The following CENPN variants were observed in gnomAD, a reference collection of about 807,000 sequenced individuals.
CENPN encodes the protein centromere protein N, also known as interphase centromere complex protein 32.
CENPN carries 36 observed loss-of-function variants against 48.6 expected under a neutral mutation model. The ratio of observed to expected loss-of-function variants is 0.74; its 90% confidence interval spans 0.57 to 0.98. The LOEUF (loss-of-function observed/expected upper bound fraction) is 0.98. CENPN is among the 50% of genes least tolerant of loss of function. The pLI is 0.00. For missense variants in CENPN, 439 were observed against 399.2 expected (o/e 1.10, Z -0.85); for synonymous variants, 166 against 135.2 (o/e 1.23, Z -1.58).
At position 81,030,417 on chromosome 16, in the gene CENPN, C is replaced by T. The variant is rs2151722932; in HGVS notation, c.*1766C>T. The T allele has an allele frequency of 1.0e-6, 1 of 984,602 alleles. No homozygotes were observed. The highest frequency in any genetic ancestry group is 1.2e-6 in the Non-Finnish European group (1 of 829,334). 61.0% of individuals were successfully genotyped at this position (984,602 alleles called of 1,614,324 possible). On this transcript the variant is annotated 3_prime_UTR_variant, in exon 11 of 11. Coordinates refer to ENST00000305850, the MANE Select transcript of CENPN (RefSeq NM_001100624.3). ...GATATGTGGGGGAGGGGGTTTCCCC[C>T]ACACATTAAGCAAGTGTGAAACATG...
intron 4 of CENPN, 75 bp from the exon 5 acceptor site, chr16:81,017,683 G>T (rs980363396): frequency 7.9e-6 from 8 of 1,014,060 alleles, no homozygotes; most frequent in African/African-American, 1.6e-5. Flanking sequence ...TTAGTTTCAT[G>T]GTACTTTACG....
chr16:81,026,065 A>ACATG (rs1567555208), intron 8 of CENPN, among the ~76,000 whole-genome samples: 1 of 51,422 alleles, frequency 1.9e-5, no homozygotes, highest in Non-Finnish European at 6.1e-5. Context: ...ATATATATAT[A>ACATG]TATATGTGTG....
chr16:81,016,519 T>A (rs1329150557), intron 3 of CENPN, among the ~76,000 whole-genome samples: 2 of 152,220 alleles, frequency 1.3e-5, no homozygotes, highest in Non-Finnish European at 2.9e-5. Flanking sequence ...CCCAGCACTT[T>A]GGGAGGCCAA....
rs1289857903 is a variant in CENPN, at chr16:81,030,849, G to C, written c.*2198G>C. On this transcript the variant is annotated 3_prime_UTR_variant, in exon 11 of 11. Coordinates refer to ENST00000305850, the MANE Select transcript of CENPN (RefSeq NM_001100624.3). ...TCACAAGGTCAAGAGTTTGAGACTA[G>C]CCTTAGCAACATGGTGAAGGTGAAC... 1 of 152,152 alleles carries C rather than the reference G, an allele frequency of 6.6e-6. No individual in the cohort carries two copies. The highest frequency in any genetic ancestry group is 1.5e-5 in the Non-Finnish European group (1 of 68,092). The allele number at this position is 152,152 out of a possible 1,614,324, so 9.4% of individuals were successfully genotyped here.
rs1230331930 is a variant in CENPN at position 81,022,610 on chromosome 16, C to G, written c.545C>G (p.Ala182Gly). Residue 182 changes from alanine (A) to glycine (G), a missense_variant, in exon 7 of 11, where the codon GCT becomes GGT. Physicochemically the swap from Ala to Gly is moderately conservative, Grantham distance 60. Coordinates refer to ENST00000305850, the MANE Select transcript of CENPN (RefSeq NM_001100624.3). ...TPLLGQALTI[A>G]SKHHQIVKMD... ...TTTCATTTCAAGGCGCTGACAATTGCTAGCAAACACCATCAGATTGTGAAA... is the reference window on the plus strand; with the variant it reads ...TTTCATTTCAAGGCGCTGACAATTGGTAGCAAACACCATCAGATTGTGAAA... The G allele has an allele frequency of 6.2e-7, 1 of 1,613,844 alleles. No homozygotes were observed. The highest frequency in any genetic ancestry group is 8.5e-7 in the Non-Finnish European group (1 of 1,179,910).
chr16:81,011,590 A>T (rs1485584589), intron 1 of CENPN, among the ~76,000 whole-genome samples: 2 of 152,250 alleles, frequency 1.3e-5, no homozygotes, highest in African/African-American at 2.4e-5. Context: ...TTAAACTCTA[A>T]AACATTTAAA....
intron 3 of CENPN, among the ~76,000 whole-genome samples, chr16:81,014,894 C>T (rs566889216): frequency 1.3e-5 from 2 of 152,294 alleles, no homozygotes; most frequent in Admixed American, 1.3e-4. Flanking sequence ...TTCTCACTTT[C>T]AGTACAGCAT....
rs571394494 is a variant in CENPN, at chr16:81,030,003, T to TA, written c.*1353dup. Among the ~76,000 whole-genome samples, 18 of 152,320 alleles carry TA rather than the reference T, an allele frequency of 1.2e-4. No homozygotes were observed. The East Asian group carries it at 3.5e-3, about 29-fold the overall frequency. On this transcript the variant is annotated 3_prime_UTR_variant, in exon 11 of 11. Transcript: ENST00000305850. ...GCAAATGAGAAGCAAAGTCATGTCTTACATGGCGGCAGGCAAGAGAGCTTG... is the reference window on the plus strand; with the variant it reads ...GCAAATGAGAAGCAAAGTCATGTCTTAACATGGCGGCAGGCAAGAGAGCTTG...
rs1357404695 is a variant in CENPN at position 81,029,242 on chromosome 16, T to C, written c.*591T>C. On this transcript the variant is annotated 3_prime_UTR_variant, in exon 11 of 11. Transcript: ENST00000305850. ...TGTAAATATGATACTTCTCATAATC[T>C]ATTTTATCATGTGTATAACATTCAA... The C allele has an allele frequency of 5.4e-6, 5 of 918,936 alleles. No homozygotes were observed. The highest frequency in any genetic ancestry group is 1.8e-5 in the African/African-American group (1 of 55,876). 56.9% of individuals were successfully genotyped at this position (918,936 alleles called of 1,614,324 possible).
chr16:81,012,086 T>C lies in CENPN; in HGVS notation c.147T>C (p.Val49=). Residue 49 remains valine (V), a synonymous_variant, in exon 2 of 11, where the codon GTT becomes GTC. Transcript: ENST00000305850. ...TCCGACAGAGAAAGGAATCTGTAGTTCAGCACTTGATCCATCTGTGTGAGG... is the reference window on the plus strand; with the variant it reads ...TCCGACAGAGAAAGGAATCTGTAGTCCAGCACTTGATCCATCTGTGTGAGG... ...VNFRQRKESV[V]QHLIHLCEEK... is the part of the protein sequence containing the mutation. The C allele has an allele frequency of 6.2e-7, 1 of 1,614,154 alleles. No homozygotes were observed. Among genetic ancestry groups the C allele is most frequent in the Non-Finnish European group, 8.5e-7 (1 of 1,180,032 alleles).
At chr16:81,032,455 G>A, downstream of CENPN, 1 of 1,049,734 alleles carries the variant, frequency 9.5e-7, no homozygotes, top group Non-Finnish European at 1.4e-6. Flanking sequence ...GGGGGTTGGG[G>A]AATCATCACT....
chr16:81,031,835 T>G (rs565763353), downstream of CENPN, among the ~76,000 whole-genome samples: 1 of 152,310 alleles, frequency 6.6e-6, no homozygotes, highest in Admixed American at 6.5e-5. Context: ...ACTCCTGACC[T>G]CAAGTGATCC....
At position 81,029,003 on chromosome 16, in the gene CENPN, A is replaced by T. The variant is rs1018532087; in HGVS notation, c.*352A>T. The T allele has an allele frequency of 1.9e-5, 19 of 998,994 alleles. No individual in the cohort carries two copies. In the Admixed American group the frequency reaches 3.0e-4, roughly 16 times the overall value. The allele number at this position is 998,994 out of a possible 1,614,324, so 61.9% of individuals were successfully genotyped here. On this transcript the variant is annotated 3_prime_UTR_variant, in exon 11 of 11. Transcript: ENST00000305850. ...TTTTTTCTATGGCTGTCTCTTCTCAATTCTGGAGAGGTCTGGTTCCAGTGG... is the reference window on the plus strand; with the variant it reads ...TTTTTTCTATGGCTGTCTCTTCTCATTTCTGGAGAGGTCTGGTTCCAGTGG...
intron 3 of CENPN, among the ~76,000 whole-genome samples, chr16:81,016,143 C>G (rs1489563965): frequency 6.6e-6 from 1 of 152,120 alleles, no homozygotes; most frequent in East Asian, 1.9e-4. Context: ...ATTTCTACTC[C>G]AAGACACTCC....
chr16:81,030,546 C>T lies in CENPN; in HGVS notation c.*1895C>T, dbSNP rs540223645. 1.4e-4 allele frequency: 38 copies of T among 266,132 alleles called. No individual in the cohort carries two copies. The highest frequency in any genetic ancestry group is 1.3e-3 in the South Asian group (9 of 7,008). The allele number at this position is 266,132 out of a possible 1,614,324, so 16.5% of individuals were successfully genotyped here. On this transcript the variant is annotated 3_prime_UTR_variant, in exon 11 of 11. Coordinates refer to ENST00000305850, the MANE Select transcript of CENPN (RefSeq NM_001100624.3). ...GGCAGATCACCCGAGGTCAGGAGTT[C>T]GAGACCAGCCTAGCCAACATGGCAA...
chr16:81,016,529 A>G (rs1969938904), intron 3 of CENPN, among the ~76,000 whole-genome samples: 1 of 152,218 alleles, frequency 6.6e-6, no homozygotes, highest in South Asian at 2.1e-4. Context: ...TGGGAGGCCA[A>G]GGTAGGTGGA....
At chr16:81,023,524 C>G (rs1047762561) in intron 7 of CENPN, 4 of 152,000 alleles carry the variant, frequency 2.6e-5, no homozygotes, top group South Asian at 2.1e-4. Context: ...GACCACATCT[C>G]TACAAAACAA....
intron 4 of CENPN, 120 bp from the exon 5 acceptor site, chr16:81,017,638 T>C (rs1225339158): frequency 1.3e-6 from 1 of 775,522 alleles, no homozygotes; most frequent in Non-Finnish European, 2.2e-6. Flanking sequence ...ATTTGTGTGA[T>C]TTGATCATTA....
intron 2 of CENPN, among the ~76,000 whole-genome samples, chr16:81,013,771 T>C (rs1969835441): frequency 6.6e-6 from 1 of 152,124 alleles, no homozygotes; most frequent in South Asian, 2.1e-4. Flanking sequence ...CTGGTGGATA[T>C]TGTCACTGTC....
Sources: gnomAD v4.1 joint callset for allele counts (sites outside exome capture counted in the v4.1 genomes callset) on GRCh38, gnomAD v4.1.1 for gene constraint, MANE v1.5 for transcripts, NCBI Gene and HGNC (gene_info 2026-07-23, HGNC 2026-07-21) for gene names.